The following ALK variants were observed in gnomAD, a reference collection of about 807,000 sequenced individuals.
The protein encoded by ALK is ALK tyrosine kinase receptor.
In ALK, 74 loss-of-function variants were observed where a neutral mutation model predicts 163.1. The ratio of observed to expected loss-of-function variants is 0.45; its 90% confidence interval spans 0.38 to 0.55. The LOEUF (loss-of-function observed/expected upper bound fraction) is 0.55. Ranked by LOEUF, ALK falls within the 20% of genes least tolerant of loss-of-function variation. The pLI, the probability that ALK is intolerant of heterozygous loss-of-function variation, is 0.00. For missense variants in ALK, 2,063 were observed against 2,105.3 expected, an observed-to-expected ratio of 0.98 and a Z score of 0.39; for synonymous variants, 960 against 843.2, an observed-to-expected ratio of 1.14 and a Z score of -2.40.
At chr2:29,254,392 C>T (rs1278811305) in intron 11 of ALK, among the ~76,000 whole-genome samples, 1 of 152,136 alleles carries the variant, frequency 6.6e-6, no homozygotes, top group African/African-American at 2.4e-5. Context: ...ATGGGCTTGG[C>T]ACACTACCTG....
chr2:29,890,914 A>G (rs1667126382), intron 1 of ALK: 1 of 152,236 alleles, frequency 6.6e-6, no homozygotes, highest in African/African-American at 2.4e-5. Flanking sequence ...GAGGAACTGA[A>G]TAGAATGGAA....
intron 4 of ALK, among the ~76,000 whole-genome samples, chr2:29,476,331 C>T (rs1671519695): frequency 1.3e-5 from 2 of 152,160 alleles, no homozygotes; most frequent in South Asian, 2.1e-4. Context: ...GATGATCCTA[C>T]AGTACAGTAG....
At position 29,628,314 on chromosome 2, in the gene ALK, C is replaced by T. The variant is rs1161697446; in HGVS notation, c.952+66536G>A. Among the ~76,000 whole-genome samples the T allele has an allele frequency of 2.6e-5, 4 of 152,168 alleles. No homozygotes were observed. In the East Asian group the frequency reaches 7.7e-4, roughly 29 times the overall value. On this transcript the variant is annotated intron_variant, in intron 3 of 28. Transcript: ENST00000389048. ...ACCACAAGTAAAATTTACAAATTTT[C>T]TATATAATCTTAACACATTCAGGAT...
chr2:29,425,656 G>A (rs1292357959), intron 4 of ALK, among the ~76,000 whole-genome samples: 5 of 152,140 alleles, frequency 3.3e-5, no homozygotes, highest in African/African-American at 1.2e-4. Context: ...AGAAAAGTGG[G>A]CCACAATCTC....
At chr2:29,866,072 A>C (rs1666428856) in intron 1 of ALK, among the ~76,000 whole-genome samples, 1 of 152,164 alleles carries the variant, frequency 6.6e-6, no homozygotes, top group African/African-American at 2.4e-5. Flanking sequence ...CACTGTTCCT[A>C]GAACAACAGC....
chr2:29,866,282 C>G (rs1008062856), intron 1 of ALK, among the ~76,000 whole-genome samples: 6 of 152,198 alleles, frequency 3.9e-5, no homozygotes, highest in Non-Finnish European at 7.3e-5. Flanking sequence ...TAGCACATCT[C>G]AGGAACTGAA....
At chr2:29,889,516 G>A (rs1458863812) in intron 1 of ALK, among the ~76,000 whole-genome samples, 1 of 141,246 alleles carries the variant, frequency 7.1e-6, no homozygotes, top group Non-Finnish European at 1.5e-5. Context: ...TGGATGGATG[G>A]ATAGATAGAT....
intron 1 of ALK, among the ~76,000 whole-genome samples, chr2:29,752,972 C>T (rs908578803): frequency 6.6e-6 from 1 of 152,130 alleles, no homozygotes; most frequent in Non-Finnish European, 1.5e-5. Context: ...CAGACCCAGC[C>T]CAGGGTCACA....
At chr2:29,205,980 T>C (rs13386033) in intron 26 of ALK, among the ~76,000 whole-genome samples, 43,435 of 151,958 alleles carry the variant, frequency 0.29, 7,401 homozygotes, top group East Asian at 0.74. Context: ...GTTGCCAGTA[T>C]TCTTGGTGCT....
chr2:29,193,952 A>T lies in ALK; in HGVS notation c.4165-30T>A, dbSNP rs746040524. ...CGTAGGGGAAATTATTAAAACTTTG[A>T]ATCAGAGACAAAAAATGTTGGATCT... is the stretch of plus-strand genomic sequence containing the variant. On this transcript the variant is annotated intron_variant, in intron 28 of 28. Coordinates refer to ENST00000389048, the MANE Select transcript of ALK (RefSeq NM_004304.5). 8.7e-6 allele frequency: 14 copies of T among 1,604,786 alleles called. 1 individual carries two copies. The South Asian group carries it at 1.5e-4, about 18-fold the overall frequency.
chr2:29,739,533 G>T (rs202083325), intron 1 of ALK, among the ~76,000 whole-genome samples: 6 of 151,092 alleles, frequency 4.0e-5, no homozygotes, highest in Non-Finnish European at 5.9e-5. Context: ...ACTCCAGCCT[G>T]GGCGACAGTG....
intron 4 of ALK, among the ~76,000 whole-genome samples, chr2:29,404,616 C>A (rs1183719093): frequency 6.6e-6 from 1 of 152,174 alleles, no homozygotes; most frequent in African/African-American, 2.4e-5. Context: ...CACCTATAAG[C>A]AATTTCATTG....
intron 4 of ALK, among the ~76,000 whole-genome samples, chr2:29,472,762 CT>C: frequency 6.6e-6 from 1 of 152,128 alleles, no homozygotes; most frequent in African/African-American, 2.4e-5. Flanking sequence ...TTAAAAATAA[CT>C]TTTATAAAAA....
At chr2:29,373,590 C>T (rs757817060) in intron 5 of ALK, among the ~76,000 whole-genome samples, 1 of 152,208 alleles carries the variant, frequency 6.6e-6, no homozygotes, top group African/African-American at 2.4e-5. Flanking sequence ...AAAATAGTTG[C>T]CCAAGCAGGC....
chr2:29,390,067 C>T (rs1367845868), intron 4 of ALK, among the ~76,000 whole-genome samples: 1 of 152,204 alleles, frequency 6.6e-6, no homozygotes, highest in Admixed American at 6.5e-5. Context: ...ATATGCGCTG[C>T]TTATAACTGA....
intron 3 of ALK, among the ~76,000 whole-genome samples, chr2:29,610,662 A>G (rs1675666163): frequency 6.6e-6 from 1 of 152,190 alleles, no homozygotes; most frequent in Non-Finnish European, 1.5e-5. Context: ...TCATAGCTCT[A>G]CAAAAATAAG....
chr2:29,735,904 C>T (rs1452059492), intron 1 of ALK, among the ~76,000 whole-genome samples: 3 of 152,036 alleles, frequency 2.0e-5, no homozygotes, highest in Non-Finnish European at 4.4e-5. Flanking sequence ...CAGTCTGGGG[C>T]AGTTCTTTAC....
chr2:29,455,934 C>A (rs1199895858), intron 4 of ALK, among the ~76,000 whole-genome samples: 1 of 152,104 alleles, frequency 6.6e-6, no homozygotes, highest in African/African-American at 2.4e-5. Flanking sequence ...TGTGGGGGTG[C>A]AAGGAACACA....
Position 29,581,221 on chromosome 2 carries a change from C to A in ALK, c.953-49105G>T, listed in dbSNP as rs138995848. 7.0e-3 allele frequency among the ~76,000 whole-genome samples: 1,059 copies of A among 152,210 alleles called. 6 individuals carry two copies. Among genetic ancestry groups the A allele is most frequent in the Middle Eastern group, 0.017 (5 of 294 alleles). Reference sequence around the variant, plus strand: ...TGGCCAACATGGTGAAACCCCATCTCTACTAAAAATACAAAAATTAGCTTG... The same window carrying A: ...TGGCCAACATGGTGAAACCCCATCTATACTAAAAATACAAAAATTAGCTTG... On this transcript the variant is annotated intron_variant, in intron 3 of 28. Coordinates refer to ENST00000389048, the MANE Select transcript of ALK (RefSeq NM_004304.5).
Sources: gnomAD v4.1 joint callset for allele counts (sites outside exome capture counted in the v4.1 genomes callset) on GRCh38, gnomAD v4.1.1 for gene constraint, MANE v1.5 for transcripts, NCBI Gene and HGNC (gene_info 2026-07-23, HGNC 2026-07-21) for gene names.